Variants in ARHGAP17 observed in about 807,000 individuals in gnomAD.
ARHGAP17 encodes Rho GTPase activating protein 17, also known as rho GTPase-activating protein 17.
Under a neutral mutation model 99.5 loss-of-function variants are expected in ARHGAP17, and 57 were observed. That is an observed-to-expected ratio of 0.57 (90% CI 0.46 to 0.71). The LOEUF (loss-of-function observed/expected upper bound fraction) is 0.71, where lower values mean the gene tolerates loss of function less well. ARHGAP17 is among the 30% of genes least tolerant of loss of function. The pLI, the probability that ARHGAP17 is intolerant of heterozygous loss-of-function variation, is 0.00. For synonymous variants in ARHGAP17, 417 were observed against 429.6 expected, an observed-to-expected ratio of 0.97 and a Z score of 0.36; for missense variants, 1,000 against 1,122.4, an observed-to-expected ratio of 0.89 and a Z score of 1.56.
intron 3 of ARHGAP17, among the ~76,000 whole-genome samples, chr16:24,973,564 G>T (rs2052430291): frequency 6.6e-6 from 1 of 152,188 alleles, no homozygotes; most frequent in Non-Finnish European, 1.5e-5. Flanking sequence ...TGCCCCAGCT[G>T]CCTGGAATAT....
intron 3 of ARHGAP17, among the ~76,000 whole-genome samples, chr16:24,975,377 T>C (rs944950570): frequency 1.3e-5 from 2 of 152,054 alleles, no homozygotes; most frequent in African/African-American, 4.8e-5. Flanking sequence ...GCCCAGAGAA[T>C]ATGACTTGGA....
chr16:24,929,450 T>C (rs901077880), intron 19 of ARHGAP17, among the ~76,000 whole-genome samples: 4 of 152,200 alleles, frequency 2.6e-5, no homozygotes, highest in Admixed American at 1.3e-4. Flanking sequence ...TAAAGAAATG[T>C]CAATATGCTA....
intron 1 of ARHGAP17, among the ~76,000 whole-genome samples, chr16:25,009,503 A>G (rs1215967551): frequency 1.3e-5 from 2 of 152,212 alleles, no homozygotes; most frequent in Non-Finnish European, 1.5e-5. Context: ...CATCAAATAC[A>G]GGCAGGGCTG....
At chr16:24,990,194 T>C (rs1421567850) in intron 1 of ARHGAP17, among the ~76,000 whole-genome samples, 1 of 152,214 alleles carries the variant, frequency 6.6e-6, no homozygotes, top group Non-Finnish European at 1.5e-5. Context: ...CTATAAAATA[T>C]ATCTCATAGG....
intron 6 of ARHGAP17, among the ~76,000 whole-genome samples, chr16:24,967,691 G>C (rs2052228570): frequency 6.6e-6 from 1 of 151,492 alleles, no homozygotes; most frequent in African/African-American, 2.4e-5. Context: ...GGGATGCCGA[G>C]GCAGAAGGAT....
chr16:24,931,207 G>T lies in ARHGAP17; in HGVS notation c.2092C>A (p.Pro698Thr), dbSNP rs777410188. 6.3e-7 allele frequency: 1 copy of T among 1,574,866 alleles called. No homozygotes were observed. Among genetic ancestry groups the T allele is most frequent in the South Asian group, 1.2e-5 (1 of 83,788 alleles). ...QPSAPSQLSA[P>T]RRYSSSLSPI... ...GACAAGCTGCTGGAGTACCTCCGGG[G>T]TGCTGAGAGCTGGGAGGGGGCGGAG... The change falls in exon 19 of 20, where the codon CCC becomes ACC. Residue 698 changes from proline (P) to threonine (T), a missense_variant. Physicochemically the swap from Pro to Thr is conservative, Grantham distance 38. Around this residue, in one of 2 missense-constraint regions of ARHGAP17, gnomAD observed 528 missense variants for 511.4 expected, o/e 1.03. Transcript: ENST00000289968.
chr16:24,961,713 T>C (rs1350644823), intron 7 of ARHGAP17, among the ~76,000 whole-genome samples: 1 of 150,706 alleles, frequency 6.6e-6, no homozygotes, highest in Non-Finnish European at 1.5e-5. Context: ...TTCTGTTTTT[T>C]AGTAGAGATG....
intron 17 of ARHGAP17, 99 bp downstream of exon 17, chr16:24,939,265 G>A: frequency 9.1e-7 from 1 of 1,098,338 alleles, no homozygotes; most frequent in Admixed American, 2.8e-5. Context: ...CTCCATGCTG[G>A]AGCAGTTCTT....
chr16:24,971,895 G>A (rs2052376193), intron 3 of ARHGAP17, among the ~76,000 whole-genome samples: 1 of 152,182 alleles, frequency 6.6e-6, no homozygotes, highest in African/African-American at 2.4e-5. Context: ...CCTGAGTGCT[G>A]ATGGCCCGGG....
At chr16:24,947,370 C>A in intron 14 of ARHGAP17, 112 bp downstream of exon 14, 1 of 990,438 alleles carries the variant, frequency 1.0e-6, no homozygotes, top group Non-Finnish European at 1.5e-6. Context: ...AAACCAACTT[C>A]AGAATACCTT....
Position 24,979,728 on chromosome 16 carries a change from T to A in ARHGAP17, c.54-723A>T, listed in dbSNP as rs191114171. The stretch of plus-strand genomic sequence containing the variant: ...TTTTATTATTATTATTATTATTATT[T>A]GAGACAGAGTCTCATTCTGTTGCCC... On this transcript the variant is annotated intron_variant, in intron 1 of 19. Coordinates refer to ENST00000289968, the MANE Select transcript of ARHGAP17 (RefSeq NM_001006634.3). Among the ~76,000 whole-genome samples the A allele has an allele frequency of 1.9e-4, 27 of 138,612 alleles. No homozygotes were observed. In the Admixed American group the frequency reaches 2.0e-3, roughly 10 times the overall value. 90.9% of individuals were successfully genotyped at this position (138,612 alleles called of 152,430 possible).
At chr16:24,968,584 T>C (rs2052263434) in intron 5 of ARHGAP17, 77 bp downstream of exon 5, 5 of 1,531,952 alleles carry the variant, frequency 3.3e-6, no homozygotes, top group Non-Finnish European at 4.5e-6. Flanking sequence ...AGCCAGCAAC[T>C]ACTGTTAAAA....
intron 3 of ARHGAP17, among the ~76,000 whole-genome samples, chr16:24,975,791 G>A (rs775761823): frequency 1.3e-5 from 2 of 152,142 alleles, no homozygotes; most frequent in African/African-American, 2.4e-5. Flanking sequence ...AAGGTTTACC[G>A]CATGCTCATA....
chr16:24,964,981 A>G (rs1353107012), intron 6 of ARHGAP17, among the ~76,000 whole-genome samples: 1 of 152,200 alleles, frequency 6.6e-6, no homozygotes, highest in Non-Finnish European at 1.5e-5. Context: ...GTATCAATCA[A>G]TAGCTATGAA....
At chr16:24,954,563 C>G (rs1567227644) in intron 10 of ARHGAP17, 40 bp downstream of exon 10, 1 of 1,594,062 alleles carries the variant, frequency 6.3e-7, no homozygotes, top group Non-Finnish European at 8.5e-7. Context: ...CAACAAGGGG[C>G]ATGGAGACTT....
At position 25,015,285 on chromosome 16, in the gene ARHGAP17, G is replaced by A. The variant is rs1370078102; in HGVS notation, c.-24C>T. ...ATGGCGGCGGTGGCGGCGGCGGCCC[G>A]CGGGGCTCGGGCCGGGCAGGGCGGG... On this transcript the variant is annotated 5_prime_UTR_variant, in exon 1 of 20. Transcript: ENST00000289968. The A allele has an allele frequency of 7.5e-7, 1 of 1,326,808 alleles. No individual in the cohort carries two copies. 82.2% of individuals were successfully genotyped at this position (1,326,808 alleles called of 1,614,324 possible).
rs1055174833 is a variant in ARHGAP17 at position 24,919,460 on chromosome 16, A to G, written c.*670T>C. 1.3e-5 allele frequency: 2 copies of G among 152,430 alleles called. No homozygotes were observed. Among genetic ancestry groups the G allele is most frequent in the African/African-American group, 4.8e-5 (2 of 41,330 alleles). The allele number at this position is 152,430 out of a possible 1,614,324, so 9.4% of individuals were successfully genotyped here. A position where few individuals can be genotyped will look rare whatever the true frequency, so the allele number is the denominator to read the frequency against. On this transcript the variant is annotated 3_prime_UTR_variant, in exon 20 of 20. Coordinates refer to ENST00000289968, the MANE Select transcript of ARHGAP17 (RefSeq NM_001006634.3). ...ACTAGAATAATGTTCGGTCCTTATC[A>G]AGTAGCAATTACATTGTTTAAAAAA...
intron 1 of ARHGAP17, among the ~76,000 whole-genome samples, chr16:25,008,973 C>A (rs2053575673): frequency 6.6e-6 from 1 of 152,170 alleles, no homozygotes; most frequent in South Asian, 2.1e-4. Flanking sequence ...GGACCTCTTT[C>A]CACCCTGCTC....
At chr16:24,922,894 C>A (rs1053739943) in intron 19 of ARHGAP17, among the ~76,000 whole-genome samples, 1 of 151,984 alleles carries the variant, frequency 6.6e-6, no homozygotes, top group Non-Finnish European at 1.5e-5. Context: ...CTGGGCTGGT[C>A]TTGAACTCCT....
Sources: allele counts gnomAD v4.1 joint callset (sites outside exome capture counted in the v4.1 genomes callset), GRCh38; gene constraint gnomAD v4.1.1; regional missense constraint gnomAD v4.1.1; transcripts MANE v1.5; gene names NCBI Gene and HGNC (gene_info 2026-07-23, HGNC 2026-07-21).